Variants in PTPRN2 observed in about 807,000 individuals in gnomAD.
PTPRN2 encodes protein tyrosine phosphatase receptor type N2, also known as receptor-type tyrosine-protein phosphatase N2.
PTPRN2 carries 74 observed loss-of-function variants against 118.8 expected under a neutral mutation model. The observed-to-expected ratio is 0.62, with a 90% CI of 0.52 to 0.76. PTPRN2 has a LOEUF of 0.76. Among genes scored for constraint, PTPRN2 ranks in the 30% least tolerant of loss-of-function variants. The pLI is 0.00. For missense variants in PTPRN2, 1,481 were observed against 1,394.4 expected (o/e 1.06, Z -0.99); for synonymous variants, 641 against 608.0 (o/e 1.05, Z -0.80).
intron 13 of PTPRN2, among the ~76,000 whole-genome samples, chr7:157,669,226 C>G (rs773528763): frequency 6.6e-6 from 1 of 152,220 alleles, no homozygotes; most frequent in African/African-American, 2.4e-5. Flanking sequence ...GCCAGGGGAG[C>G]CTCCCTTCTT....
At chr7:158,333,871 A>C (rs1258604392) in intron 2 of PTPRN2, among the ~76,000 whole-genome samples, 1 of 140,994 alleles carries the variant, frequency 7.1e-6, no homozygotes, top group African/African-American at 2.8e-5. Context: ...CGTCACTCAC[A>C]CCCACACTCT....
intron 3 of PTPRN2, among the ~76,000 whole-genome samples, chr7:158,239,398 C>T (rs1236438084): frequency 6.6e-6 from 1 of 152,152 alleles, no homozygotes; most frequent in Non-Finnish European, 1.5e-5. Flanking sequence ...TTTCCTGGGG[C>T]GCTTTGTTTC....
chr7:158,179,148 C>T (rs1824477790), intron 5 of PTPRN2, among the ~76,000 whole-genome samples: 1 of 152,172 alleles, frequency 6.6e-6, no homozygotes, highest in South Asian at 2.1e-4. Flanking sequence ...CCCTTTTCAC[C>T]ACAGTCATAC....
intron 11 of PTPRN2, among the ~76,000 whole-genome samples, chr7:157,915,086 T>G (rs1798322403): frequency 6.6e-6 from 1 of 152,220 alleles, no homozygotes; most frequent in Non-Finnish European, 1.5e-5. Context: ...TTAAAATATT[T>G]AAATTTATGA....
intron 12 of PTPRN2, among the ~76,000 whole-genome samples, chr7:157,852,351 T>C (rs1305584385): frequency 1.3e-5 from 2 of 152,212 alleles, no homozygotes; most frequent in East Asian, 1.9e-4. Flanking sequence ...TTCACTTCCA[T>C]GGAAATAATT....
intron 1 of PTPRN2, among the ~76,000 whole-genome samples, chr7:158,537,245 G>A (rs1055413593): frequency 2.0e-5 from 3 of 152,226 alleles, no homozygotes; most frequent in African/African-American, 4.8e-5. Context: ...CATCCTGAGC[G>A]GACTATGATG....
intron 1 of PTPRN2, among the ~76,000 whole-genome samples, chr7:158,531,772 C>T (rs538763424): frequency 6.6e-6 from 1 of 152,160 alleles, no homozygotes; most frequent in Admixed American, 6.5e-5. Context: ...CGCCCTCACC[C>T]ACCACCTGCC....
At position 158,530,650 on chromosome 7, in the gene PTPRN2, T is replaced by C. The variant is rs1563402456; in HGVS notation, c.113-40865A>G. Among the ~76,000 whole-genome samples the C allele has an allele frequency of 2.6e-5, 4 of 152,220 alleles. No homozygotes were observed. In the South Asian group the frequency reaches 8.3e-4, roughly 31 times the overall value. Reference sequence around the variant, plus strand: ...GAGCACCCATGTGTGCATATATGTGTGCCCATGTGAGGTGTATGTGTGCAG... The same window carrying C: ...GAGCACCCATGTGTGCATATATGTGCGCCCATGTGAGGTGTATGTGTGCAG... On this transcript the variant is annotated intron_variant, in intron 1 of 22. Coordinates refer to ENST00000389418, the MANE Select transcript of PTPRN2 (RefSeq NM_002847.5).
At chr7:157,839,772 T>C (rs1050808378) in intron 12 of PTPRN2, among the ~76,000 whole-genome samples, 1 of 151,672 alleles carries the variant, frequency 6.6e-6, no homozygotes, top group African/African-American at 2.4e-5. Context: ...TGCGTGACTA[T>C]GTAACCATGT....
intron 2 of PTPRN2, among the ~76,000 whole-genome samples, chr7:158,321,878 T>C (rs575864240): frequency 1.3e-5 from 2 of 152,332 alleles, no homozygotes; most frequent in South Asian, 4.1e-4. Context: ...CTAACGTGTT[T>C]AACTGCCAAA....
rs1249544517 is a variant in PTPRN2, at chr7:158,526,709, T to C, written c.113-36924A>G. ...CGGATCCAGGCTGACTGGGTCCTTA[T>C]GGAGGAGGAGGTGAGGACACAGACA... On this transcript the variant is annotated intron_variant, in intron 1 of 22. Coordinates refer to ENST00000389418, the MANE Select transcript of PTPRN2 (RefSeq NM_002847.5). The surrounding 1 kb of genome is among the most constrained non-coding windows in gnomAD (Gnocchi z 5.2). 6.6e-6 allele frequency among the ~76,000 whole-genome samples: 1 copy of C among 151,988 alleles called. No individual in the cohort carries two copies. The highest frequency in any genetic ancestry group is 1.5e-5 in the Non-Finnish European group (1 of 67,998).
intron 12 of PTPRN2, 21 bp downstream of exon 12, chr7:157,898,652 G>A (rs751356565): frequency 2.7e-5 from 42 of 1,559,132 alleles, no homozygotes; most frequent in Admixed American, 2.0e-4. Context: ...CAGAGCAGAC[G>A]GCACCCCTTC....
intron 3 of PTPRN2, among the ~76,000 whole-genome samples, chr7:158,253,677 T>G (rs1796835274): frequency 6.6e-6 from 1 of 152,250 alleles, no homozygotes; most frequent in Non-Finnish European, 1.5e-5. Flanking sequence ...GAGGCAAGAC[T>G]GGGGACTTCC....
chr7:158,081,457 TG>T (rs1812839268), intron 10 of PTPRN2, 80 bp from the exon 11 acceptor site: 1 of 1,391,122 alleles, frequency 7.2e-7, no homozygotes, highest in Admixed American at 1.7e-5. Context: ...TGGAAAACAC[TG>T]GTGTGTTTTT....
intron 10 of PTPRN2, among the ~76,000 whole-genome samples, chr7:158,109,636 G>A (rs1250683414): frequency 6.6e-6 from 1 of 151,836 alleles, no homozygotes; most frequent in Non-Finnish European, 1.5e-5. Flanking sequence ...CATGTGAAGA[G>A]TGTCTGAATG....
At position 158,529,703 on chromosome 7, in the gene PTPRN2, C is replaced by T. The variant is rs778662312; in HGVS notation, c.113-39918G>A. Among the ~76,000 whole-genome samples, 3 of 152,116 alleles carry T rather than the reference C, an allele frequency of 2.0e-5. No homozygotes were observed. Among genetic ancestry groups the T allele is most frequent in the Non-Finnish European group, 4.4e-5 (3 of 68,006 alleles). ...ACACTCACCACACCTGGGCTGTGTC[C>T]ACCAGCCCCAGGGGCTGTGGGGAGG... On this transcript the variant is annotated intron_variant, in intron 1 of 22. Coordinates refer to ENST00000389418, the MANE Select transcript of PTPRN2 (RefSeq NM_002847.5). This position sits in a 1 kb window ranked among gnomAD's most constrained non-coding sequence, Gnocchi z 4.7.
chr7:158,374,327 G>C (rs888670866), intron 2 of PTPRN2, among the ~76,000 whole-genome samples: 2 of 152,032 alleles, frequency 1.3e-5, no homozygotes, highest in Non-Finnish European at 2.9e-5. Flanking sequence ...CAACTCAAAA[G>C]GCCAATGCTG....
chr7:158,163,006 C>A (rs1300472696), intron 6 of PTPRN2, among the ~76,000 whole-genome samples: 1 of 152,152 alleles, frequency 6.6e-6, no homozygotes, highest in Non-Finnish European at 1.5e-5. Context: ...TGCTCGGGTG[C>A]AGTTGCTCTT....
At chr7:157,769,116 G>A (rs1249595911) in intron 12 of PTPRN2, among the ~76,000 whole-genome samples, 4 of 152,138 alleles carry the variant, frequency 2.6e-5, no homozygotes, top group Non-Finnish European at 5.9e-5. Context: ...CCCAGCCATC[G>A]TCATGACAAC....
Sources: allele counts gnomAD v4.1 joint callset (sites outside exome capture counted in the v4.1 genomes callset), GRCh38; gene constraint gnomAD v4.1.1; non-coding constraint Gnocchi (gnomAD v3.1); transcripts MANE v1.5; gene names NCBI Gene and HGNC (gene_info 2026-07-23, HGNC 2026-07-21).